Variants in BSDC1 observed in about 807,000 individuals in gnomAD.
BSDC1 encodes the protein BSD domain-containing protein 1.
Under a neutral mutation model 56.0 loss-of-function variants are expected in BSDC1, and 29 were observed. The ratio of observed to expected loss-of-function variants is 0.52; its 90% confidence interval spans 0.39 to 0.71. The LOEUF (loss-of-function observed/expected upper bound fraction) is 0.71, where lower values mean the gene tolerates loss of function less well. Among genes scored for constraint, BSDC1 ranks in the 30% least tolerant of loss-of-function variants. The pLI is 0.00. For synonymous variants in BSDC1, 210 were observed against 215.3 expected, an observed-to-expected ratio of 0.98 and a Z score of 0.21; for missense variants, 477 against 548.5, an observed-to-expected ratio of 0.87 and a Z score of 1.30.
At chr1:32,385,664 T>C (rs1642638087) in intron 3 of BSDC1, among the ~76,000 whole-genome samples, 1 of 151,736 alleles carries the variant, frequency 6.6e-6, no homozygotes, top group Non-Finnish European at 1.5e-5. Flanking sequence ...GAGGCAAAGG[T>C]TGCAATGAGC....
intron 3 of BSDC1, among the ~76,000 whole-genome samples, chr1:32,385,904 T>C (rs1642647878): frequency 6.6e-6 from 1 of 152,206 alleles, no homozygotes; most frequent in African/African-American, 2.4e-5. Flanking sequence ...TAGTAGAATG[T>C]TTACTGTAGC....
rs1358825203 is a variant in BSDC1 at position 32,365,065 on chromosome 1, G to A, written c.*1557C>T. On this transcript the variant is annotated 3_prime_UTR_variant, in exon 11 of 11. Coordinates refer to ENST00000455895, the MANE Select transcript of BSDC1 (RefSeq NM_018045.8). ...GAAGCCAGTCCTGCCCTGGCCCAGT[G>A]CAGCTGCCAAGGGGACAAAAACAGA... 3 of 152,216 alleles carry A rather than the reference G, an allele frequency of 2.0e-5. No homozygotes were observed. Among genetic ancestry groups the A allele is most frequent in the Non-Finnish European group, 2.9e-5 (2 of 68,068 alleles). The allele number at this position is 152,216 out of a possible 1,614,324, so 9.4% of individuals were successfully genotyped here. A position where few individuals can be genotyped will look rare whatever the true frequency, so the allele number is the denominator to read the frequency against.
rs931524116 is a variant in BSDC1 at position 32,364,879 on chromosome 1, T to C, written c.*1743A>G. On this transcript the variant is annotated 3_prime_UTR_variant, in exon 11 of 11. Coordinates refer to ENST00000455895, the MANE Select transcript of BSDC1 (RefSeq NM_018045.8). ...CCTTTCCAAAGGAAAGCAGAGGCACTGGGAGTGCAGAGATGGCCTCCCGAC... is the reference window on the plus strand; with the variant it reads ...CCTTTCCAAAGGAAAGCAGAGGCACCGGGAGTGCAGAGATGGCCTCCCGAC... 6.6e-6 allele frequency among the ~76,000 whole-genome samples: 1 copy of C among 152,246 alleles called. No individual in the cohort carries two copies. The highest frequency in any genetic ancestry group is 1.9e-4 in the East Asian group (1 of 5,202).
chr1:32,383,414 C>G (rs1642555202), intron 4 of BSDC1, among the ~76,000 whole-genome samples: 1 of 150,464 alleles, frequency 6.6e-6, no homozygotes, highest in South Asian at 2.1e-4. Flanking sequence ...CCACTGAGCC[C>G]CAGAGAGAGC....
chr1:32,374,713 T>C (rs537252425), intron 9 of BSDC1: 3 of 152,336 alleles, frequency 2.0e-5, no homozygotes, highest in Non-Finnish European at 4.4e-5. Flanking sequence ...ATACGAGGCT[T>C]GTCTCCTCAG....
intron 4 of BSDC1, 55 bp downstream of exon 4, chr1:32,383,775 T>C: frequency 6.4e-7 from 1 of 1,566,666 alleles, no homozygotes; most frequent in Admixed American, 1.7e-5. Context: ...AGGATGGAAG[T>C]TAAAGCCCAG....
chr1:32,383,047 GTTCC>G (rs1197346745), intron 4 of BSDC1, among the ~76,000 whole-genome samples: 2 of 151,974 alleles, frequency 1.3e-5, no homozygotes, highest in Non-Finnish European at 2.9e-5. Flanking sequence ...TCTCCACAGC[GTTCC>G]TTATTATGCT....
Position 32,378,976 on chromosome 1 carries a change from G to C in BSDC1, c.413-137C>G, listed in dbSNP as rs1642393777. 1.9e-6 allele frequency: 1 copy of C among 524,010 alleles called. No homozygotes were observed. Among genetic ancestry groups the C allele is most frequent in the South Asian group, 4.2e-5 (1 of 23,946 alleles). The allele number at this position is 524,010 out of a possible 1,614,324, so 32.5% of individuals were successfully genotyped here. ...AAAGCCACTTAGCCAAGGGTAGGGGGTCAGGCAGGGTGAAGGGGCGGGTGC... is the reference window on the plus strand; with the variant it reads ...AAAGCCACTTAGCCAAGGGTAGGGGCTCAGGCAGGGTGAAGGGGCGGGTGC... On this transcript the variant is annotated intron_variant, in intron 5 of 10. Transcript: ENST00000455895. This position sits in a 1 kb window ranked among gnomAD's most constrained non-coding sequence, Gnocchi z 5.2.
chr1:32,368,269 C>A, intron 10 of BSDC1, 178 bp downstream of exon 10: 1 of 1,534,014 alleles, frequency 6.5e-7, no homozygotes, highest in Non-Finnish European at 8.8e-7. Context: ...AGGAAAAGTG[C>A]AGCCTGCTGA....
intron 1 of BSDC1, 114 bp downstream of exon 1, chr1:32,394,290 T>C (rs559997341): frequency 6.3e-7 from 1 of 1,586,838 alleles, no homozygotes; most frequent in African/African-American, 1.3e-5. Context: ...CTCTGCCCTT[T>C]CAGATCAGTC....
At chr1:32,393,712 G>C in intron 2 of BSDC1, 1 of 247,114 alleles carries the variant, frequency 4.0e-6, no homozygotes. Context: ...TCTAATATTT[G>C]AATGACTATA....
In BSDC1 at chr1:32,376,537, G is replaced by A. The variant is rs372793606; in HGVS notation, c.881C>T (p.Thr294Ile). 1.3e-6 allele frequency: 2 copies of A among 1,568,948 alleles called. No individual in the cohort carries two copies. The highest frequency in any genetic ancestry group is 2.3e-5 in the South Asian group (2 of 86,308). The stretch of plus-strand genomic sequence containing the variant: ...GGGTAGCACTCGTGCCTCAGGTGCA[G>A]TGGCCGGGTTGGCGATCTGTGTCAC... ...SLVTQIANPA[T>I]APEARVLPKD... The change falls in exon 9 of 11, where the codon ACT becomes ATT. Residue 294 changes from threonine (T) to isoleucine (I), a missense_variant. Transcript: ENST00000455895.
chr1:32,389,674 C>G (rs1280252647), intron 2 of BSDC1, among the ~76,000 whole-genome samples: 1 of 151,946 alleles, frequency 6.6e-6, no homozygotes, highest in Non-Finnish European at 1.5e-5. Flanking sequence ...TGATGTGGGC[C>G]AGGTGCAGTG....
At chr1:32,369,721 T>C (rs1295249113) in intron 9 of BSDC1, among the ~76,000 whole-genome samples, 2 of 152,202 alleles carry the variant, frequency 1.3e-5, no homozygotes, top group Non-Finnish European at 2.9e-5. Context: ...GCTCAAATCG[T>C]ACCTTCTAGA....
intron 8 of BSDC1, 129 bp from the exon 9 acceptor site, chr1:32,376,870 C>G: frequency 9.2e-7 from 1 of 1,081,694 alleles, no homozygotes; most frequent in Non-Finnish European, 1.2e-6. Context: ...GTGGCTCACA[C>G]CTGTAATCCC....
chr1:32,394,116 G>C lies in BSDC1; in HGVS notation c.36C>G (p.Ser12Arg), dbSNP rs141631343. 7.5e-6 allele frequency: 12 copies of C among 1,610,080 alleles called. No homozygotes were observed. The African/African-American group carries it at 1.3e-4, about 18-fold the overall frequency. ...AEGEDVGWWR[S>R]WLQQSYQAVK... ...CTGCTTGGTAGCTCTGCTGCAGCCAGCTCCGCCACCATCCCACGTCCTCCC... is the reference window on the plus strand; with the variant it reads ...CTGCTTGGTAGCTCTGCTGCAGCCACCTCCGCCACCATCCCACGTCCTCCC... The change falls in exon 2 of 11, where the codon AGC (serine) becomes AGG (arginine). Residue 12 changes from serine (S) to arginine (R), a missense_variant. Physicochemically the swap from Ser to Arg is moderately radical, Grantham distance 110. Coordinates refer to ENST00000455895, the MANE Select transcript of BSDC1 (RefSeq NM_018045.8).
intron 5 of BSDC1, among the ~76,000 whole-genome samples, chr1:32,379,678 A>G (rs571941508): frequency 6.6e-6 from 1 of 152,122 alleles, no homozygotes; most frequent in African/African-American, 2.4e-5. Flanking sequence ...GCAACCTTGA[A>G]CTTCTGGGCC....
At position 32,364,800 on chromosome 1, in the gene BSDC1, G is replaced by T. The variant is rs186516471; in HGVS notation, c.*1822C>A. ...ACCCAAGAATCATATACAAACAGGG[G>T]GAAGAGAGGATAAAAATGACCAAGA... On this transcript the variant is annotated 3_prime_UTR_variant, in exon 11 of 11. Coordinates refer to ENST00000455895, the MANE Select transcript of BSDC1 (RefSeq NM_018045.8). Among the ~76,000 whole-genome samples the T allele has an allele frequency of 2.0e-4, 30 of 152,318 alleles. No homozygotes were observed. Among genetic ancestry groups the T allele is most frequent in the South Asian group, 8.3e-4 (4 of 4,828 alleles).
intron 2 of BSDC1, among the ~76,000 whole-genome samples, chr1:32,387,363 CAG>C (rs1482718326): frequency 1.3e-5 from 2 of 149,540 alleles, no homozygotes; most frequent in East Asian, 3.9e-4. Flanking sequence ...TTTCTTGAGA[CAG>C]AGTCTCGCTC....
Sources: gnomAD v4.1 joint callset for allele counts (sites outside exome capture counted in the v4.1 genomes callset) on GRCh38, gnomAD v4.1.1 for gene constraint, Gnocchi (gnomAD v3.1) non-coding constraint, MANE v1.5 for transcripts, NCBI Gene and HGNC (gene_info 2026-07-23, HGNC 2026-07-21) for gene names.